MTX2: variants seen among roughly 807,000 people sequenced by gnomAD.
MTX2 encodes the protein metaxin 2.
In MTX2, 35 loss-of-function variants were observed where a neutral mutation model predicts 42.3. That is an observed-to-expected ratio of 0.83 (90% CI 0.63 to 1.10). The LOEUF is 1.10. Ranked by LOEUF, MTX2 falls within the 50% of genes least tolerant of loss-of-function variation. MTX2 has a pLI of 0.00. For missense variants in MTX2, 307 were observed against 304.1 expected, an observed-to-expected ratio of 1.01 and a Z score of -0.07; for synonymous variants, 119 against 100.9, an observed-to-expected ratio of 1.18 and a Z score of -1.08.
In MTX2 at chr2:176,275,611, A is replaced by G. The variant is rs578149888; in HGVS notation, c.40+5942A>G. Among the ~76,000 whole-genome samples the G allele has an allele frequency of 4.4e-4, 67 of 152,188 alleles. No individual in the cohort carries two copies. The Middle Eastern group carries it at 0.02, about 46-fold the overall frequency. The stretch of plus-strand genomic sequence containing the variant: ...TTTAAAAATATTTTATAACCTGTAT[A>G]TTTGTTTTCACTTTTTTTAATGGAG... On this transcript the variant is annotated intron_variant, in intron 1 of 9. Coordinates refer to ENST00000249442, the MANE Select transcript of MTX2 (RefSeq NM_006554.5).
chr2:176,312,583 G>C (rs993420678), intron 3 of MTX2, among the ~76,000 whole-genome samples: 11 of 152,128 alleles, frequency 7.2e-5, no homozygotes, highest in African/African-American at 2.2e-4. Flanking sequence ...GTGCTATTGG[G>C]CCGGGTGTGG....
At position 176,323,440 on chromosome 2, in the gene MTX2, A is replaced by G. The variant is rs765864620; in HGVS notation, c.184A>G (p.Asn62Asp). Residue 62 changes from asparagine to aspartate, a missense_variant, in exon 4 of 10, where the codon AAT becomes GAT. Physicochemically the swap from Asn to Asp is conservative, Grantham distance 23 (BLOSUM62 1). Coordinates refer to ENST00000249442, the MANE Select transcript of MTX2 (RefSeq NM_006554.5). ...GCCTATCAAAGTAGTTTGTAGGGCA[A>G]ATGCAGAATATATGTCTCCATCTGG... ...NLPIKVVCRA[N>D]AEYMSPSGKV... The G allele has an allele frequency of 1.2e-5, 19 of 1,611,210 alleles. No homozygotes were observed. In the African/African-American group the frequency reaches 1.5e-4, roughly 12 times the overall value.
intron 9 of MTX2, among the ~76,000 whole-genome samples, chr2:176,335,523 G>C (rs1684967557): frequency 6.6e-6 from 1 of 152,012 alleles, no homozygotes; most frequent in African/African-American, 2.4e-5. Context: ...ACTTTAGGAG[G>C]CTATCTCAGT....
At chr2:176,281,042 T>A (rs540756730) in intron 1 of MTX2, among the ~76,000 whole-genome samples, 155 of 152,258 alleles carry the variant, frequency 1.0e-3, no homozygotes, top group African/African-American at 3.5e-3. Flanking sequence ...TTCTGCTCCT[T>A]TTATAGCCCT....
intron 1 of MTX2, among the ~76,000 whole-genome samples, chr2:176,281,971 G>C (rs574127794): frequency 1.3e-5 from 2 of 152,228 alleles, no homozygotes; most frequent in East Asian, 3.9e-4. Context: ...CAAATACTCT[G>C]TAGATCATTT....
At chr2:176,324,214 G>GT (rs1380821113) in intron 4 of MTX2, among the ~76,000 whole-genome samples, 8 of 151,436 alleles carry the variant, frequency 5.3e-5, no homozygotes, top group Non-Finnish European at 1.2e-4. Flanking sequence ...GTATAAGTGT[G>GT]TAACATTGCT....
intron 3 of MTX2, among the ~76,000 whole-genome samples, chr2:176,308,167 T>C (rs1283978398): frequency 6.6e-6 from 1 of 152,226 alleles, no homozygotes; most frequent in African/African-American, 2.4e-5. Flanking sequence ...CATGTGGTTT[T>C]TTTCATTGGT....
At chr2:176,329,466 T>C (rs773449013) in intron 8 of MTX2, 40 bp downstream of exon 8, 6 of 1,563,770 alleles carry the variant, frequency 3.8e-6, no homozygotes, top group Non-Finnish European at 5.2e-6. Context: ...TCAACTTTTA[T>C]GCATTAAAAG....
chr2:176,315,185 G>T (rs747134636), intron 3 of MTX2, among the ~76,000 whole-genome samples: 2 of 152,042 alleles, frequency 1.3e-5, no homozygotes, highest in South Asian at 2.1e-4. Flanking sequence ...TTCATTTCTC[G>T]TCAGAAGTCT....
In MTX2 at chr2:176,323,410, A is replaced by G. The variant is rs1684630520; in HGVS notation, c.154A>G (p.Asn52Asp). Reference protein sequence around the residue: ...LAVQAFLQMCNLPIKVVCRAN... With the variant: ...LAVQAFLQMCDLPIKVVCRAN... Reference sequence around the variant, plus strand: ...TTTACAGGCCTTTTTGCAAATGTGTAACTTGCCTATCAAAGTAGTTTGTAG... The same window carrying G: ...TTTACAGGCCTTTTTGCAAATGTGTGACTTGCCTATCAAAGTAGTTTGTAG... Residue 52 changes from asparagine (N) to aspartate (D), a missense_variant, in exon 4 of 10, where the codon AAC (asparagine) becomes GAC (aspartate). Coordinates refer to ENST00000249442, the MANE Select transcript of MTX2 (RefSeq NM_006554.5). 9.3e-6 allele frequency: 15 copies of G among 1,611,412 alleles called. No homozygotes were observed. In the East Asian group the frequency reaches 2.9e-4, roughly 31 times the overall value.
chr2:176,314,247 C>G (rs1269996990), intron 3 of MTX2, among the ~76,000 whole-genome samples: 1 of 152,010 alleles, frequency 6.6e-6, no homozygotes, highest in Non-Finnish European at 1.5e-5. Flanking sequence ...ACCAGCCTGG[C>G]CAACATGGCA....
chr2:176,305,260 T>C (rs539474295), intron 3 of MTX2, among the ~76,000 whole-genome samples: 1 of 152,202 alleles, frequency 6.6e-6, no homozygotes, highest in South Asian at 2.1e-4. Flanking sequence ...TAGTTCATCC[T>C]AAGAATTTTA....
intron 1 of MTX2, among the ~76,000 whole-genome samples, chr2:176,275,585 G>T (rs1692928087): frequency 6.6e-6 from 1 of 152,064 alleles, no homozygotes; most frequent in South Asian, 2.1e-4. Context: ...ATTAAAAATA[G>T]TTTAAAAATA....
intron 3 of MTX2, among the ~76,000 whole-genome samples, chr2:176,301,470 G>T (rs1197541932): frequency 6.6e-6 from 1 of 152,092 alleles, no homozygotes; most frequent in African/African-American, 2.4e-5. Flanking sequence ...TATAAGGTAG[G>T]TATCATAAAT....
chr2:176,286,266 T>C (rs746208969), intron 1 of MTX2, among the ~76,000 whole-genome samples: 10 of 152,218 alleles, frequency 6.6e-5, no homozygotes, highest in Non-Finnish European at 1.3e-4. Flanking sequence ...ATTTTGGATA[T>C]ATGCTGTATG....
chr2:176,270,754 A>G (rs1458431825), intron 1 of MTX2, among the ~76,000 whole-genome samples: 2 of 152,072 alleles, frequency 1.3e-5, no homozygotes, highest in African/African-American at 4.8e-5. Context: ...TAGAGGAGAG[A>G]AGCTCCTACT....
intron 1 of MTX2, among the ~76,000 whole-genome samples, chr2:176,289,701 G>C (rs1373360269): frequency 1.3e-5 from 2 of 152,022 alleles, no homozygotes; most frequent in Non-Finnish European, 2.9e-5. Flanking sequence ...GTACCTTAGA[G>C]TAAGTTATTG....
chr2:176,294,685 A>C (rs1429825054), intron 1 of MTX2, among the ~76,000 whole-genome samples: 2 of 152,256 alleles, frequency 1.3e-5, no homozygotes, highest in African/African-American at 4.8e-5. Flanking sequence ...GAGAACACTT[A>C]AATCATATTC....
chr2:176,315,402 C>T (rs998647820), intron 3 of MTX2, among the ~76,000 whole-genome samples: 1 of 152,122 alleles, frequency 6.6e-6, no homozygotes, highest in Non-Finnish European at 1.5e-5. Flanking sequence ...TTGACCCTCC[C>T]TTAAAAATAT....
Sources: allele counts gnomAD v4.1 joint callset (sites outside exome capture counted in the v4.1 genomes callset), GRCh38; gene constraint gnomAD v4.1.1; transcripts MANE v1.5; gene names NCBI Gene and HGNC (gene_info 2026-07-23, HGNC 2026-07-21).